ADAMTS17: variants seen among roughly 807,000 people sequenced by gnomAD.
The protein encoded by ADAMTS17 is ADAM metallopeptidase with thrombospondin type 1 motif 17.
Under a neutral mutation model 141.5 loss-of-function variants are expected in ADAMTS17, and 113 were observed. The observed-to-expected ratio is 0.80, with a 90% CI of 0.69 to 0.93. ADAMTS17 has a LOEUF of 0.93. ADAMTS17 is among the 40% of genes least tolerant of loss of function. The pLI is 0.00. For missense variants in ADAMTS17, 1,659 were observed against 1,517.9 expected (o/e 1.09, Z -1.54); for synonymous variants, 768 against 630.6 (o/e 1.22, Z -3.27).
Position 100,111,418 on chromosome 15 carries a change from A to T in ADAMTS17, c.1889-2302T>A, listed in dbSNP as rs148883888. Reference sequence around the variant, plus strand: ...CTCAGGAGGTGGCTGGTGGAAGGAGAACTCTGGAAGATGGAGACATATACT... The same window carrying T: ...CTCAGGAGGTGGCTGGTGGAAGGAGTACTCTGGAAGATGGAGACATATACT... On this transcript the variant is annotated intron_variant, in intron 13 of 21. Coordinates refer to ENST00000268070, the MANE Select transcript of ADAMTS17 (RefSeq NM_139057.4). 1.2e-3 allele frequency among the ~76,000 whole-genome samples: 181 copies of T among 152,312 alleles called. 5 individuals carry two copies. In the East Asian group the frequency reaches 0.029, roughly 24 times the overall value.
chr15:100,116,480 C>T (rs530614408), intron 13 of ADAMTS17, among the ~76,000 whole-genome samples: 1 of 152,392 alleles, frequency 6.6e-6, no homozygotes, highest in East Asian at 1.9e-4. Flanking sequence ...AGCCAGAGAG[C>T]AGCCGCACCA....
At chr15:100,199,228 C>T (rs943645660) in intron 8 of ADAMTS17, 90 bp downstream of exon 8, 4 of 1,221,248 alleles carry the variant, frequency 3.3e-6, no homozygotes, top group South Asian at 1.2e-5. Context: ...CATAGAGCAG[C>T]ACTGTTTTAG....
At chr15:100,161,094 A>T (rs184887656) in intron 8 of ADAMTS17, among the ~76,000 whole-genome samples, 37 of 152,342 alleles carry the variant, frequency 2.4e-4, no homozygotes, top group Admixed American at 1.6e-3. Context: ...CACGTGGCCC[A>T]GCTTTATCAG....
Position 100,054,127 on chromosome 15 carries a change from T to A in ADAMTS17, c.2138-73A>T. Reference sequence around the variant, plus strand: ...GGATCCAGCCTGTCTTTAAACGGAATCTACAGCCCCTGAGTGGGGCAGAGG... The same window carrying A: ...GGATCCAGCCTGTCTTTAAACGGAAACTACAGCCCCTGAGTGGGGCAGAGG... On this transcript the variant is annotated intron_variant, in intron 15 of 21. Coordinates refer to ENST00000268070, the MANE Select transcript of ADAMTS17 (RefSeq NM_139057.4). The A allele has an allele frequency of 5.1e-6, 8 of 1,581,060 alleles. No individual in the cohort carries two copies. The South Asian group carries it at 8.9e-5, about 18-fold the overall frequency.
At chr15:100,218,583 G>A (rs1284966694) in intron 7 of ADAMTS17, among the ~76,000 whole-genome samples, 1 of 152,160 alleles carries the variant, frequency 6.6e-6, no homozygotes, top group Non-Finnish European at 1.5e-5. Flanking sequence ...GTGTTGGCAA[G>A]AATGCAGAGA....
Position 100,261,513 on chromosome 15 carries a change from G to A in ADAMTS17, c.997C>T (p.Pro333Ser), listed in dbSNP as rs777771779. 2.5e-6 allele frequency: 4 copies of A among 1,614,124 alleles called. No individual in the cohort carries two copies. Among genetic ancestry groups the A allele is most frequent in the Non-Finnish European group, 3.4e-6 (4 of 1,180,038 alleles). ...NNQVPGGKDD[P>S]PLVDAAVFVT... is the part of the protein sequence containing the mutation. ...AACACGGCAGCATCCACCAGGGGCG[G>A]GTCGTCCTTCCCGCCGGGAACCTGG... Residue 333 changes from proline (P) to serine (S), a missense_variant, in exon 6 of 22, where the codon CCG becomes TCG. Physicochemically the swap from Pro to Ser is moderately conservative, Grantham distance 74 (BLOSUM62 -1). Transcript: ENST00000268070.
intron 8 of ADAMTS17, among the ~76,000 whole-genome samples, chr15:100,191,251 C>T (rs1436698350): frequency 2.0e-5 from 3 of 152,218 alleles, no homozygotes; most frequent in South Asian, 2.1e-4. Context: ...ATCAGCACAG[C>T]GTGTGTAACC....
chr15:100,154,745 G>A (rs2039348704), intron 9 of ADAMTS17, among the ~76,000 whole-genome samples: 1 of 152,144 alleles, frequency 6.6e-6, no homozygotes, highest in Non-Finnish European at 1.5e-5. Flanking sequence ...CCTCCCCAGA[G>A]GTGAGGAAGC....
At chr15:100,218,773 T>C (rs1051225480) in intron 7 of ADAMTS17, among the ~76,000 whole-genome samples, 3 of 152,012 alleles carry the variant, frequency 2.0e-5, no homozygotes, top group South Asian at 2.1e-4. Flanking sequence ...AACTCAAACA[T>C]GAATATTTAT....
intron 2 of ADAMTS17, among the ~76,000 whole-genome samples, chr15:100,332,849 T>C (rs1596543483): frequency 6.6e-6 from 1 of 152,214 alleles, no homozygotes; most frequent in African/African-American, 2.4e-5. Context: ...CGGCAGCCAC[T>C]TGCCCTCTTG....
intron 12 of ADAMTS17, among the ~76,000 whole-genome samples, chr15:100,117,882 C>G (rs1203470797): frequency 6.6e-6 from 1 of 152,198 alleles, no homozygotes; most frequent in African/African-American, 2.4e-5. Flanking sequence ...GAAAAGGGCA[C>G]ACATCCAAAC....
intron 13 of ADAMTS17, among the ~76,000 whole-genome samples, chr15:100,109,824 A>T (rs6598302): frequency 6.6e-6 from 1 of 151,846 alleles, no homozygotes; most frequent in African/African-American, 2.4e-5. Context: ...AATCCCTCGC[A>T]GCACTTTGCC....
At chr15:100,194,115 G>GGGT (rs1184756776) in intron 8 of ADAMTS17, among the ~76,000 whole-genome samples, 1 of 152,212 alleles carries the variant, frequency 6.6e-6, no homozygotes, top group Non-Finnish European at 1.5e-5. Context: ...TTTTCTGAGT[G>GGGT]GGTGGCGGAT....
intron 6 of ADAMTS17, among the ~76,000 whole-genome samples, chr15:100,255,089 C>A (rs2043280440): frequency 6.6e-6 from 1 of 152,274 alleles, no homozygotes; most frequent in Admixed American, 6.5e-5. Context: ...AGTGAGACAG[C>A]AAAGATGCTT....
intron 15 of ADAMTS17, among the ~76,000 whole-genome samples, chr15:100,056,528 C>T (rs995315172): frequency 6.6e-6 from 1 of 152,134 alleles, no homozygotes; most frequent in Non-Finnish European, 1.5e-5. Context: ...ATGCACAACC[C>T]AGATCCCTTG....
intron 15 of ADAMTS17, among the ~76,000 whole-genome samples, chr15:100,085,593 GAA>G (rs1217588960): frequency 6.6e-6 from 1 of 152,034 alleles, no homozygotes; most frequent in Non-Finnish European, 1.5e-5. Context: ...CAGCCAGAGA[GAA>G]AGGTCGGGTT....
At chr15:100,005,376 G>A (rs2061017715) in intron 18 of ADAMTS17, among the ~76,000 whole-genome samples, 1 of 152,164 alleles carries the variant, frequency 6.6e-6, no homozygotes, top group South Asian at 2.1e-4. Flanking sequence ...GAGAGGGCTG[G>A]TTCCTCCTGG....
intron 14 of ADAMTS17, among the ~76,000 whole-genome samples, chr15:100,100,188 G>A (rs954805728): frequency 6.6e-6 from 1 of 152,190 alleles, no homozygotes; most frequent in Non-Finnish European, 1.5e-5. Flanking sequence ...CAGAGTGTGT[G>A]CTAAAGATGC....
intron 7 of ADAMTS17, among the ~76,000 whole-genome samples, chr15:100,243,955 G>A (rs966551376): frequency 6.6e-6 from 1 of 152,068 alleles, no homozygotes; most frequent in Non-Finnish European, 1.5e-5. Context: ...GGGATATTAG[G>A]TAAGTGTATC....
Sources: allele counts gnomAD v4.1 joint callset (sites outside exome capture counted in the v4.1 genomes callset), GRCh38; gene constraint gnomAD v4.1.1; transcripts MANE v1.5; gene names NCBI Gene and HGNC (gene_info 2026-07-23, HGNC 2026-07-21).